CTNNA3: variants seen among roughly 807,000 people sequenced by gnomAD.
The protein encoded by CTNNA3 is catenin alpha-3.
A neutral mutation model predicts 95.7 loss-of-function variants in CTNNA3; 76 were observed. The observed-to-expected ratio is 0.79, with a 90% CI of 0.66 to 0.96. CTNNA3 has a LOEUF of 0.96. Among genes scored for constraint, CTNNA3 ranks in the 40% least tolerant of loss-of-function variants. The pLI is 0.00. For synonymous variants in CTNNA3, 431 were observed against 374.4 expected (o/e 1.15, Z -1.74); for missense variants, 1,191 against 1,089.8 (o/e 1.09, Z -1.31).
chr10:66,398,932 A>AGATTCACAACATCTGGTCT, intron 11 of CTNNA3, among the ~76,000 whole-genome samples: 2 of 152,148 alleles, frequency 1.3e-5, no homozygotes, highest in South Asian at 4.1e-4. Context: ...CATGAAAAAC[A>AGATTCACAACATCTGGTCT]GATTCACAAC....
intron 9 of CTNNA3, among the ~76,000 whole-genome samples, chr10:66,668,419 CAT>C (rs199638135): frequency 8.3e-6 from 1 of 120,604 alleles, no homozygotes; most frequent in Non-Finnish European, 1.8e-5. Flanking sequence ...TCTCAACTCT[CAT>C]ATGTGTGTGT....
intron 7 of CTNNA3, among the ~76,000 whole-genome samples, chr10:67,065,610 G>A (rs2133234286): frequency 6.6e-6 from 1 of 152,128 alleles, no homozygotes; most frequent in Admixed American, 6.6e-5. Context: ...GAAGGAAGTG[G>A]TGGGATATTT....
chr10:67,266,086 A>C (rs1030978860), intron 5 of CTNNA3, among the ~76,000 whole-genome samples: 1 of 152,144 alleles, frequency 6.6e-6, no homozygotes, highest in African/African-American at 2.4e-5. Context: ...AAAAATTAAA[A>C]CTGGAAGAAG....
chr10:66,359,218 C>T (rs917101580), intron 12 of CTNNA3, among the ~76,000 whole-genome samples: 19 of 151,790 alleles, frequency 1.3e-4, no homozygotes, highest in Non-Finnish European at 1.5e-5. Context: ...TTTACAGGCT[C>T]CTCACAGGTA....
chr10:66,470,625 A>T (rs1391871605), intron 11 of CTNNA3, among the ~76,000 whole-genome samples: 1 of 151,872 alleles, frequency 6.6e-6, no homozygotes, highest in Admixed American at 6.6e-5. Flanking sequence ...AGACTAATAA[A>T]GAAAAAGGAA....
intron 1 of CTNNA3, among the ~76,000 whole-genome samples, chr10:67,708,123 T>C (rs1374941620): frequency 6.6e-6 from 1 of 152,178 alleles, no homozygotes; most frequent in African/African-American, 2.4e-5. Context: ...TTGGTAATAA[T>C]AGAAGGGCTA....
chr10:67,583,444 GC>G, intron 3 of CTNNA3, among the ~76,000 whole-genome samples: 1 of 152,296 alleles, frequency 6.6e-6, no homozygotes, highest in Middle Eastern at 3.4e-3. Flanking sequence ...TGTCTGATGG[GC>G]TTCCCTTTGT....
chr10:67,355,643 A>G (rs966575178), intron 5 of CTNNA3, among the ~76,000 whole-genome samples: 50 of 152,072 alleles, frequency 3.3e-4, no homozygotes, highest in African/African-American at 1.2e-3. Flanking sequence ...AAACCTTTTC[A>G]TAATATTAAA....
chr10:66,155,550 C>T (rs1026239816), intron 13 of CTNNA3, among the ~76,000 whole-genome samples: 1 of 151,822 alleles, frequency 6.6e-6, no homozygotes, highest in Non-Finnish European at 1.5e-5. Flanking sequence ...AACCCACACA[C>T]GTTCCTGATC....
At chr10:67,510,850 T>G (rs1257973858) in intron 5 of CTNNA3, among the ~76,000 whole-genome samples, 1 of 152,220 alleles carries the variant, frequency 6.6e-6, no homozygotes, top group Non-Finnish European at 1.5e-5. Context: ...TCCATTTGTT[T>G]GTGTCCTCTT....
At chr10:66,314,171 G>A (rs2092065890) in intron 12 of CTNNA3, among the ~76,000 whole-genome samples, 2 of 152,102 alleles carry the variant, frequency 1.3e-5, no homozygotes, top group Non-Finnish European at 2.9e-5. Context: ...CCCGGGAGCT[G>A]CACAGGTAAC....
At chr10:67,195,136 C>T (rs1466044353) in intron 6 of CTNNA3, among the ~76,000 whole-genome samples, 2 of 150,930 alleles carry the variant, frequency 1.3e-5, no homozygotes, top group Non-Finnish European at 2.9e-5. Context: ...TTTAAAGGGG[C>T]TCCTACTATT....
At chr10:66,533,445 C>T (rs1402838007) in intron 10 of CTNNA3, among the ~76,000 whole-genome samples, 1 of 152,048 alleles carries the variant, frequency 6.6e-6, no homozygotes, top group Non-Finnish European at 1.5e-5. Context: ...CTCAATATCT[C>T]AAACTTTATC....
At chr10:67,645,446 A>C (rs1168211705) in intron 2 of CTNNA3, among the ~76,000 whole-genome samples, 1 of 152,166 alleles carries the variant, frequency 6.6e-6, no homozygotes, top group Non-Finnish European at 1.5e-5. Context: ...TAAGGGTTAT[A>C]AACTAGCATT....
intron 9 of CTNNA3, among the ~76,000 whole-genome samples, chr10:66,622,549 A>G (rs1844786559): frequency 6.6e-6 from 1 of 152,002 alleles, no homozygotes; most frequent in South Asian, 2.1e-4. Context: ...TCTGCACCCC[A>G]CTCTTGTTCA....
intron 12 of CTNNA3, among the ~76,000 whole-genome samples, chr10:66,327,635 T>A (rs550740924): frequency 3.2e-4 from 48 of 151,980 alleles, no homozygotes; most frequent in Admixed American, 3.1e-3. Flanking sequence ...TTATCTCTAA[T>A]CTTATTCTCT....
intron 15 of CTNNA3, among the ~76,000 whole-genome samples, chr10:66,013,719 A>G (rs1444912471): frequency 6.6e-6 from 1 of 152,194 alleles, no homozygotes; most frequent in Non-Finnish European, 1.5e-5. Context: ...TAGGCACCAC[A>G]TTGTCAAAAA....
chr10:67,196,236 A>G (rs879806291), intron 6 of CTNNA3, among the ~76,000 whole-genome samples: 26 of 151,976 alleles, frequency 1.7e-4, no homozygotes, highest in Admixed American at 2.0e-4. Context: ...CTTTAGATAT[A>G]AAAAAAATTT....
At chr10:67,553,242 A>G (rs1351241131) in intron 3 of CTNNA3, among the ~76,000 whole-genome samples, 3 of 152,132 alleles carry the variant, frequency 2.0e-5, no homozygotes, top group Non-Finnish European at 4.4e-5. Flanking sequence ...AGCTCCTAAA[A>G]ATCGTTTGTA....
Sources: gnomAD v4.1 joint callset for allele counts (sites outside exome capture counted in the v4.1 genomes callset) on GRCh38, gnomAD v4.1.1 for gene constraint, MANE v1.5 for transcripts, NCBI Gene and HGNC (gene_info 2026-07-23, HGNC 2026-07-21) for gene names.